The following ADCYAP1R1 variants were observed in gnomAD, a reference collection of about 807,000 sequenced individuals.
The protein encoded by ADCYAP1R1 is pituitary adenylate cyclase-activating polypeptide type I receptor.
Under a neutral mutation model 67.6 loss-of-function variants are expected in ADCYAP1R1, and 44 were observed. The observed-to-expected ratio is 0.65, with a 90% CI of 0.51 to 0.84. The LOEUF (loss-of-function observed/expected upper bound fraction) is 0.84, where lower values mean the gene tolerates loss of function less well. Ranked by LOEUF, ADCYAP1R1 falls within the 40% of genes least tolerant of loss-of-function variation. ADCYAP1R1 has a pLI of 0.00. For synonymous variants in ADCYAP1R1, 222 were observed against 219.6 expected (o/e 1.01, Z -0.10); for missense variants, 477 against 587.9 (o/e 0.81, Z 1.95).
At chr7:31,063,160 G>C in intron 1 of ADCYAP1R1, 34 bp from the exon 2 acceptor site, 2 of 1,422,556 alleles carry the variant, frequency 1.4e-6, no homozygotes, top group Non-Finnish European at 2.0e-6. Flanking sequence ...ACTGCACTGG[G>C]CTCACAGGAT....
rs1330529461 is a variant in ADCYAP1R1, at chr7:31,106,699, C to T, written c.*15C>T. 1.3e-6 allele frequency: 2 copies of T among 1,585,044 alleles called. No individual in the cohort carries two copies. The highest frequency in any genetic ancestry group is 1.7e-6 in the Non-Finnish European group (2 of 1,165,674). ...TGGCCACCTGAGCCATGCTCCCCTC[C>T]TCCTCCTCTCCTCCATCCACAGGCT... is the stretch of plus-strand genomic sequence containing the variant. On this transcript the variant is annotated 3_prime_UTR_variant, in exon 16 of 16. Coordinates refer to ENST00000304166, the MANE Select transcript of ADCYAP1R1 (RefSeq NM_001118.5).
intron 1 of ADCYAP1R1, 136 bp from the exon 2 acceptor site, chr7:31,063,058 G>T (rs1032985954): frequency 2.3e-5 from 14 of 603,832 alleles, no homozygotes; most frequent in Non-Finnish European, 4.1e-5. Context: ...CAAGACGGAT[G>T]CAGGCAGGGA....
intron 3 of ADCYAP1R1, among the ~76,000 whole-genome samples, chr7:31,067,183 G>A (rs76859020): frequency 0.12 from 18,252 of 152,158 alleles, 1,608 homozygotes; most frequent in African/African-American, 0.25. Flanking sequence ...CCCTGTCCAG[G>A]TGGGAGAGGA....
At chr7:31,077,843 G>A in intron 3 of ADCYAP1R1, 148 bp from the exon 4 acceptor site, 1 of 538,314 alleles carries the variant, frequency 1.9e-6, no homozygotes, top group Non-Finnish European at 3.3e-6. Context: ...TTGGTGTTGT[G>A]TGTGTGTTGT....
In ADCYAP1R1 at chr7:31,107,990, A is replaced by T. The variant is rs1030777193; in HGVS notation, c.*1306A>T. 6 of 152,260 alleles carry T rather than the reference A, an allele frequency of 3.9e-5. No individual in the cohort carries two copies. The highest frequency in any genetic ancestry group is 8.8e-5 in the Non-Finnish European group (6 of 68,082). The allele number at this position is 152,260 out of a possible 1,614,324, so 9.4% of individuals were successfully genotyped here. On this transcript the variant is annotated 3_prime_UTR_variant, in exon 16 of 16. Transcript: ENST00000304166. ...GCACACCCTCAGCCTGAGAATGTAA[A>T]ATAGGGCAGTGCCCAGCTGGGGAGG...
chr7:31,096,633 G>T (rs1018503676), intron 13 of ADCYAP1R1, among the ~76,000 whole-genome samples: 1 of 152,208 alleles, frequency 6.6e-6, no homozygotes, highest in African/African-American at 2.4e-5. Context: ...CTCCAGACCG[G>T]CTGGGAGTAT....
At chr7:31,057,727 G>A (rs1256356108) in intron 1 of ADCYAP1R1, among the ~76,000 whole-genome samples, 6 of 152,220 alleles carry the variant, frequency 3.9e-5, no homozygotes, top group African/African-American at 1.2e-4. Context: ...TGGGAGGGGG[G>A]CAGTGTTTCA....
chr7:31,084,723 G>A lies in ADCYAP1R1; in HGVS notation c.439-14G>A, dbSNP rs372029856. 5.6e-6 allele frequency: 9 copies of A among 1,610,104 alleles called. No homozygotes were observed. Among genetic ancestry groups the A allele is most frequent in the Admixed American group, 1.7e-5 (1 of 59,998 alleles). Reference sequence around the variant, plus strand: ...TCTCACATGAAGTCCTGCATGTCCTGTGCTCTGCTTCAGGATTATTACTAC... The same window carrying A: ...TCTCACATGAAGTCCTGCATGTCCTATGCTCTGCTTCAGGATTATTACTAC... On this transcript the variant is annotated splice_polypyrimidine_tract_variant and intron_variant, in intron 7 of 15. Transcript: ENST00000304166.
intron 5 of ADCYAP1R1, among the ~76,000 whole-genome samples, 158 bp from the exon 6 acceptor site, chr7:31,081,555 A>G (rs955284327): frequency 2.0e-5 from 3 of 152,202 alleles, no homozygotes; most frequent in African/African-American, 4.8e-5. Flanking sequence ...TGTGTGAGAA[A>G]GGTGCGCGGC....
At chr7:31,054,493 A>G (rs781350470) in intron 1 of ADCYAP1R1, among the ~76,000 whole-genome samples, 1 of 152,230 alleles carries the variant, frequency 6.6e-6, no homozygotes, top group African/African-American at 2.4e-5. Context: ...TTGTGCGTCA[A>G]CTTTGGGACA....
At chr7:31,077,093 C>T (rs1795264750) in intron 3 of ADCYAP1R1, among the ~76,000 whole-genome samples, 1 of 152,192 alleles carries the variant, frequency 6.6e-6, no homozygotes, top group African/African-American at 2.4e-5. Flanking sequence ...GTCTCCATTC[C>T]TGTTTGAGGG....
chr7:31,099,632 G>A (rs980598456), intron 13 of ADCYAP1R1, among the ~76,000 whole-genome samples: 4 of 152,156 alleles, frequency 2.6e-5, no homozygotes, highest in East Asian at 1.9e-4. Context: ...ACCAGTGGAC[G>A]GACACCCAAG....
Position 31,087,607 on chromosome 7 carries a change from T to C in ADCYAP1R1, c.885-20T>C. The stretch of plus-strand genomic sequence containing the variant: ...GCCGACTCACAGACGTGATCTTGCT[T>C]CTCTCTGTCCATCTTTCAGCTGCTG... On this transcript the variant is annotated intron_variant, in intron 11 of 15. Coordinates refer to ENST00000304166, the MANE Select transcript of ADCYAP1R1 (RefSeq NM_001118.5). The C allele has an allele frequency of 6.2e-7, 1 of 1,613,346 alleles. No individual in the cohort carries two copies. Among genetic ancestry groups the C allele is most frequent in the African/African-American group, 1.3e-5 (1 of 75,038 alleles).
intron 14 of ADCYAP1R1, among the ~76,000 whole-genome samples, chr7:31,104,092 C>T (rs887484531): frequency 3.9e-5 from 6 of 152,158 alleles, no homozygotes; most frequent in Non-Finnish European, 5.9e-5. Flanking sequence ...GCCATTTAAC[C>T]GGGCCCAGGT....
At chr7:31,078,698 C>G (rs374935759) in intron 4 of ADCYAP1R1, among the ~76,000 whole-genome samples, 4 of 152,200 alleles carry the variant, frequency 2.6e-5, no homozygotes, top group African/African-American at 9.7e-5. Context: ...CGCACACTCA[C>G]GTTTGCTCAG....
intron 15 of ADCYAP1R1, 149 bp downstream of exon 15, chr7:31,105,058 G>A (rs1796585734): frequency 1.2e-6 from 1 of 827,748 alleles, no homozygotes; most frequent in Admixed American, 1.9e-5. Context: ...TGGTCATACA[G>A]CTCCTGGCAT....
chr7:31,064,826 T>C lies in ADCYAP1R1; in HGVS notation c.52-5T>C. The C allele has an allele frequency of 6.2e-7, 1 of 1,606,192 alleles. No individual in the cohort carries two copies. Among genetic ancestry groups the C allele is most frequent in the South Asian group, 1.1e-5 (1 of 89,444 alleles). On this transcript the variant is annotated splice_polypyrimidine_tract_variant and splice_region_variant and intron_variant, in intron 2 of 15. Coordinates refer to ENST00000304166, the MANE Select transcript of ADCYAP1R1 (RefSeq NM_001118.5). The stretch of plus-strand genomic sequence containing the variant: ...TCCCACCATCCATCCTGTGTTCTCC[T>C]ACAGGCCCCTGCCATGCATTCTGAC...
chr7:31,075,677 C>T (rs1001501719), intron 3 of ADCYAP1R1, among the ~76,000 whole-genome samples: 7 of 152,102 alleles, frequency 4.6e-5, no homozygotes, highest in Non-Finnish European at 7.3e-5. Context: ...TAGGTAGGGT[C>T]GTAAATACCA....
At chr7:31,087,090 C>A in intron 11 of ADCYAP1R1, 87 bp downstream of exon 11, 2 of 1,431,774 alleles carry the variant, frequency 1.4e-6, no homozygotes, top group Non-Finnish European at 2.0e-6. Flanking sequence ...TTCACATGAA[C>A]TGCCCGCAAC....
Sources: allele counts gnomAD v4.1 joint callset (sites outside exome capture counted in the v4.1 genomes callset), GRCh38; gene constraint gnomAD v4.1.1; transcripts MANE v1.5; gene names NCBI Gene and HGNC (gene_info 2026-07-23, HGNC 2026-07-21).